The following XPO7 variants were observed in gnomAD, a reference collection of about 807,000 sequenced individuals.
XPO7 encodes the protein exportin-7.
A neutral mutation model predicts 144.3 loss-of-function variants in XPO7; 21 were observed. That is an observed-to-expected ratio of 0.15 (90% CI 0.10 to 0.21). The LOEUF is 0.21. Among genes scored for constraint, XPO7 ranks in the 10% least tolerant of loss-of-function variants. The probability of loss-of-function intolerance (pLI) is 1.00; values close to 1 mark genes in which losing one functional copy is unlikely to be tolerated. For missense variants in XPO7, 808 were observed against 1,325.8 expected, an observed-to-expected ratio of 0.61 and a Z score of 6.06; for synonymous variants, 580 against 499.6, an observed-to-expected ratio of 1.16 and a Z score of -2.15.
intron 12 of XPO7, among the ~76,000 whole-genome samples, chr8:21,985,174 C>T (rs1357242374): frequency 6.6e-6 from 1 of 152,150 alleles, no homozygotes; most frequent in East Asian, 1.9e-4. Context: ...TGGCTCCTGT[C>T]TGCTTTTTAA....
chr8:21,982,010 T>C, intron 10 of XPO7, 133 bp downstream of exon 10: 1 of 1,189,934 alleles, frequency 8.4e-7, no homozygotes, highest in Admixed American at 2.4e-5. Flanking sequence ...TACAGAGTAG[T>C]TACTATTGTG....
At chr8:21,966,823 T>C (rs777089991) in intron 1 of XPO7, 34 bp from the exon 2 acceptor site, 33 of 1,597,800 alleles carry the variant, frequency 2.1e-5, no homozygotes, top group Non-Finnish European at 2.6e-5. Flanking sequence ...TGTAGTAGGC[T>C]GAACTGTTTT....
intron 19 of XPO7, among the ~76,000 whole-genome samples, chr8:21,993,677 GC>G (rs937884544): frequency 1.3e-5 from 2 of 152,030 alleles, no homozygotes; most frequent in Admixed American, 6.5e-5. Context: ...AAGTTTTTTG[GC>G]CTCTTTAAGC....
chr8:21,960,285 G>A (rs1397957286), intron 1 of XPO7, among the ~76,000 whole-genome samples: 3 of 152,190 alleles, frequency 2.0e-5, no homozygotes, highest in Admixed American at 1.3e-4. Context: ...CTGTGGGCCC[G>A]TTTCAGGGCG....
Position 21,949,157 on chromosome 8 carries a change from C to A in XPO7, c.19-17700C>A, listed in dbSNP as rs190320377. Among the ~76,000 whole-genome samples the A allele has an allele frequency of 1.7e-3, 253 of 152,348 alleles. 1 individual carries two copies. The highest frequency in any genetic ancestry group is 5.9e-3 in the African/African-American group (244 of 41,584). On this transcript the variant is annotated intron_variant, in intron 1 of 27. Transcript: ENST00000252512. ...GTTGTATCACATTTTTCAGAAAAAT[C>A]TCATGAACTGACACATTAGTTCCAG... is the stretch of plus-strand genomic sequence containing the variant.
intron 25 of XPO7, among the ~76,000 whole-genome samples, chr8:22,002,531 CTCTT>C (rs1329596623): frequency 6.6e-6 from 1 of 152,176 alleles, no homozygotes; most frequent in African/African-American, 2.4e-5. Context: ...GATCACTATC[CTCTT>C]TCTGTGAAAA....
At chr8:21,989,864 T>TTTTTTTTTTTTTTTTTTTTTTC (rs1812707390) in intron 16 of XPO7, among the ~76,000 whole-genome samples, 1 of 92,370 alleles carries the variant, frequency 1.1e-5, no homozygotes, top group Non-Finnish European at 2.0e-5. Context: ...TTTTTTTTTT[T>TTTTTTTTTTTTTTTTTTTTTTC]TTTGAGATGG....
chr8:21,969,445 A>G, intron 2 of XPO7, 38 bp from the exon 3 acceptor site: 2 of 1,553,016 alleles, frequency 1.3e-6, no homozygotes, highest in South Asian at 1.1e-5. Flanking sequence ...TGGCTTACTC[A>G]ATACAATTTT....
chr8:21,967,387 A>G (rs994730793), intron 2 of XPO7, among the ~76,000 whole-genome samples: 13 of 152,014 alleles, frequency 8.6e-5, no homozygotes, highest in Non-Finnish European at 1.2e-4. Context: ...CTGGAGTGCA[A>G]TGGCGTGATC....
At chr8:21,947,947 T>TA (rs1457715700) in intron 1 of XPO7, among the ~76,000 whole-genome samples, 2 of 151,818 alleles carry the variant, frequency 1.3e-5, no homozygotes, top group Admixed American at 6.6e-5. Context: ...CTACAAAAAA[T>TA]AAAAAAACAT....
chr8:21,984,315 C>G (rs1812505363), intron 11 of XPO7, among the ~76,000 whole-genome samples: 1 of 152,082 alleles, frequency 6.6e-6, no homozygotes, highest in South Asian at 2.1e-4. Context: ...TTACTATAGT[C>G]AAGAACAAGC....
intron 20 of XPO7, 133 bp from the exon 21 acceptor site, chr8:21,995,359 A>G (rs1321124003): frequency 7.2e-6 from 5 of 697,934 alleles, no homozygotes; most frequent in South Asian, 1.9e-5. Context: ...AAAGACTCCA[A>G]GATTAGCAAG....
In XPO7 at chr8:21,995,064, A is replaced by AAAT. The variant is rs150929948; in HGVS notation, c.2238-407_2238-405dup. 3.8e-3 allele frequency among the ~76,000 whole-genome samples: 574 copies of AAAT among 150,442 alleles called. 3 individuals carry two copies. The highest frequency in any genetic ancestry group is 0.01 in the Middle Eastern group (3 of 288). On this transcript the variant is annotated intron_variant, in intron 20 of 27. Transcript: ENST00000252512. ...GCGAGACTCCATCTCAAAAAAAAAT[A>AAAT]AATAATAATAATAATAATAATAAAC...
chr8:21,966,191 A>AGCATAT (rs1333632730), intron 1 of XPO7: 70 of 711,240 alleles, frequency 9.8e-5, no homozygotes, highest in Non-Finnish European at 1.0e-5. Context: ...TCTGTGAGTG[A>AGCATAT]GCATATGCTA....
chr8:21,945,906 G>A (rs1472824243), intron 1 of XPO7, among the ~76,000 whole-genome samples: 1 of 152,184 alleles, frequency 6.6e-6, no homozygotes, highest in Non-Finnish European at 1.5e-5. Context: ...GAGTAGTGAA[G>A]TCAAAATTGC....
At chr8:21,946,468 C>T (rs1224501022) in intron 1 of XPO7, among the ~76,000 whole-genome samples, 1 of 150,510 alleles carries the variant, frequency 6.6e-6, no homozygotes. Context: ...CAGATTACAG[C>T]ACGGGGCGAC....
rs1283891588 is a variant in XPO7, at chr8:21,976,531, C to A, written c.763+10C>A. 6.2e-7 allele frequency: 1 copy of A among 1,606,392 alleles called. No individual in the cohort carries two copies. The highest frequency in any genetic ancestry group is 8.5e-7 in the Non-Finnish European group (1 of 1,175,754). ...ACCAGCTGGAGATCAGGTAACAGAACTTCCTCCACCTCAAAGGCTGTCTGT... is the reference window on the plus strand; with the variant it reads ...ACCAGCTGGAGATCAGGTAACAGAAATTCCTCCACCTCAAAGGCTGTCTGT... On this transcript the variant is annotated intron_variant, in intron 7 of 27. Coordinates refer to ENST00000252512, the MANE Select transcript of XPO7 (RefSeq NM_015024.5).
At chr8:21,966,064 T>C (rs1457640507) in intron 1 of XPO7, among the ~76,000 whole-genome samples, 1 of 152,218 alleles carries the variant, frequency 6.6e-6, no homozygotes, top group African/African-American at 2.4e-5. Context: ...AGTGCAAGTA[T>C]ATATGCCTCC....
At chr8:21,924,264 A>G (rs926748420) in intron 1 of XPO7, among the ~76,000 whole-genome samples, 5 of 152,012 alleles carry the variant, frequency 3.3e-5, no homozygotes, top group Non-Finnish European at 7.4e-5. Context: ...CATCTTTGTT[A>G]TTTTTTTCAA....
Sources: gnomAD v4.1 joint callset for allele counts (sites outside exome capture counted in the v4.1 genomes callset) on GRCh38, gnomAD v4.1.1 for gene constraint, MANE v1.5 for transcripts, NCBI Gene and HGNC (gene_info 2026-07-23, HGNC 2026-07-21) for gene names.